Variants in TTI1 observed in about 807,000 individuals in gnomAD.
TTI1 encodes TELO2-interacting protein 1 homolog.
Under a neutral mutation model 85.4 loss-of-function variants are expected in TTI1, and 52 were observed. The observed-to-expected ratio is 0.61, with a 90% CI of 0.49 to 0.77. TTI1 has a LOEUF of 0.77. TTI1 is among the 30% of genes least tolerant of loss of function. The probability of loss-of-function intolerance (pLI) is 0.00; values close to 1 mark genes in which losing one functional copy is unlikely to be tolerated. For missense variants in TTI1, 1,173 were observed against 1,296.0 expected, an observed-to-expected ratio of 0.91 and a Z score of 1.46; for synonymous variants, 512 against 503.9, an observed-to-expected ratio of 1.02 and a Z score of -0.22.
In TTI1 at chr20:38,012,437, T is replaced by C. The variant is rs1415611185; in HGVS notation, c.1380A>G (p.Pro460=). The C allele has an allele frequency of 5.0e-6, 8 of 1,614,192 alleles. No homozygotes were observed. The highest frequency in any genetic ancestry group is 2.2e-5 in the South Asian group (2 of 91,088). The change falls in exon 2 of 8, where the codon CCA becomes CCG. Residue 460 remains proline (P), a synonymous_variant. Transcript: ENST00000373447. ...TCCAAGGCTGTGTGGCTGAGGTCTT[T>C]GGAGAAGCATTCAGATCATCAGAGT... The part of the protein sequence containing the change: ...RWNSDDLNAS[P]KTSATQPWNR...
chr20:38,000,989 C>T (rs536143079), intron 4 of TTI1, among the ~76,000 whole-genome samples: 67 of 152,282 alleles, frequency 4.4e-4, no homozygotes, highest in African/African-American at 1.5e-3. Flanking sequence ...GTACCCAACA[C>T]GTATCTGCCG....
At chr20:37,987,592 G>A (rs1378409603) in intron 7 of TTI1, among the ~76,000 whole-genome samples, 1 of 152,186 alleles carries the variant, frequency 6.6e-6, no homozygotes. Flanking sequence ...GCACTCAGCT[G>A]TGCCACATGC....
At chr20:38,030,528 AACACACACACACAC>A (rs3038751) in intron 1 of TTI1, among the ~76,000 whole-genome samples, 1 of 144,840 alleles carries the variant, frequency 6.9e-6, no homozygotes, top group Non-Finnish European at 1.5e-5. Context: ...CAGTATGTAA[AACACACACACACAC>A]ACACACACAC....
intron 1 of TTI1, among the ~76,000 whole-genome samples, chr20:38,027,697 G>A (rs1224066299): frequency 6.6e-6 from 1 of 152,172 alleles, no homozygotes; most frequent in African/African-American, 2.4e-5. Context: ...GGCTGAGGTG[G>A]GTGGATCACC....
At chr20:37,988,131 A>G (rs1422361378) in intron 7 of TTI1, among the ~76,000 whole-genome samples, 1 of 152,242 alleles carries the variant, frequency 6.6e-6, no homozygotes, top group Non-Finnish European at 1.5e-5. Context: ...CTGCTGGGGT[A>G]GACTAAGGGA....
At chr20:38,032,925 A>T (rs990121703) in intron 1 of TTI1, among the ~76,000 whole-genome samples, 1 of 152,200 alleles carries the variant, frequency 6.6e-6, no homozygotes, top group African/African-American at 2.4e-5. Flanking sequence ...CCCTAAAGTT[A>T]ACACCTCACT....
At chr20:38,020,854 G>A (rs1240475122) in intron 1 of TTI1, among the ~76,000 whole-genome samples, 1 of 152,148 alleles carries the variant, frequency 6.6e-6, no homozygotes, top group Non-Finnish European at 1.5e-5. Context: ...ACTAGGTGCT[G>A]GCAAGGATAC....
At chr20:37,998,851 G>A (rs1001758901) in intron 5 of TTI1, among the ~76,000 whole-genome samples, 4 of 152,174 alleles carry the variant, frequency 2.6e-5, no homozygotes, top group Non-Finnish European at 5.9e-5. Context: ...CTAGCTGTTC[G>A]ATTGTGAGAA....
intron 2 of TTI1, among the ~76,000 whole-genome samples, chr20:38,010,467 CTTTTT>C (rs764386880): frequency 4.8e-5 from 5 of 104,432 alleles, no homozygotes; most frequent in African/African-American, 7.7e-5. Flanking sequence ...TTTGCCATTC[CTTTTT>C]TTTTTTTTTT....
intron 1 of TTI1, among the ~76,000 whole-genome samples, chr20:38,017,075 C>T (rs2073693030): frequency 6.6e-6 from 1 of 152,148 alleles, no homozygotes; most frequent in Non-Finnish European, 1.5e-5. Context: ...CTGTACACAC[C>T]TCTATGACAG....
At chr20:37,994,780 C>T (rs1028825318) in intron 7 of TTI1, among the ~76,000 whole-genome samples, 4 of 152,140 alleles carry the variant, frequency 2.6e-5, no homozygotes, top group African/African-American at 4.8e-5. Context: ...GGTGGGGCTG[C>T]GTGTTCCTCC....
intron 1 of TTI1, among the ~76,000 whole-genome samples, chr20:38,025,274 A>G (rs1320897699): frequency 1.3e-5 from 2 of 152,218 alleles, no homozygotes; most frequent in African/African-American, 4.8e-5. Context: ...AGACTGAATG[A>G]AAAAAGACAA....
chr20:38,031,383 A>T (rs1335404730), intron 1 of TTI1, among the ~76,000 whole-genome samples: 1 of 152,210 alleles, frequency 6.6e-6, no homozygotes, highest in Admixed American at 6.5e-5. Flanking sequence ...CTGTTGCTCC[A>T]AAATGCCAAC....
At position 37,999,346 on chromosome 20, in the gene TTI1, T is replaced by C. The variant is rs1211394090; in HGVS notation, c.2653-18A>G. ...TCCAAGACCTGAAAGAGACACGATT[T>C]CAGCAGATGGTATAGGCTTGAAAAC... is the stretch of plus-strand genomic sequence containing the variant. On this transcript the variant is annotated intron_variant, in intron 4 of 7. Transcript: ENST00000373447. 5.1e-6 allele frequency: 7 copies of C among 1,385,104 alleles called. No homozygotes were observed. The highest frequency in any genetic ancestry group is 6.6e-6 in the Non-Finnish European group (7 of 1,058,792). 85.8% of individuals were successfully genotyped at this position (1,385,104 alleles called of 1,614,324 possible). A position where few individuals can be genotyped will look rare whatever the true frequency, so the allele number is the denominator to read the frequency against.
intron 1 of TTI1, among the ~76,000 whole-genome samples, chr20:38,016,757 G>A (rs945896013): frequency 2.0e-5 from 3 of 152,028 alleles, no homozygotes; most frequent in African/African-American, 4.8e-5. Flanking sequence ...TGCCCTCCTC[G>A]AATTCACATT....
intron 1 of TTI1, among the ~76,000 whole-genome samples, 182 bp downstream of exon 1, chr20:38,033,222 G>T (rs953078335): frequency 6.6e-6 from 1 of 152,150 alleles, no homozygotes; most frequent in Non-Finnish European, 1.5e-5. Flanking sequence ...AGTGTTTTGG[G>T]GGACAGCCAG....
At chr20:37,994,028 T>A (rs1451627912) in intron 7 of TTI1, among the ~76,000 whole-genome samples, 5 of 152,116 alleles carry the variant, frequency 3.3e-5, no homozygotes, top group African/African-American at 7.2e-5. Context: ...TTACTTTTGG[T>A]CATGGATGTA....
chr20:37,992,375 C>G (rs911003451), intron 7 of TTI1, among the ~76,000 whole-genome samples: 3 of 152,048 alleles, frequency 2.0e-5, no homozygotes, highest in African/African-American at 4.8e-5. Flanking sequence ...TTCCAAGGCT[C>G]AGGTGATCCT....
intron 5 of TTI1, among the ~76,000 whole-genome samples, chr20:37,998,022 C>T (rs1040436838): frequency 2.6e-5 from 4 of 152,126 alleles, no homozygotes; most frequent in Non-Finnish European, 4.4e-5. Context: ...CTCTGAAGCC[C>T]GAGTTCAAGC....
Sources: gnomAD v4.1 joint callset for allele counts (sites outside exome capture counted in the v4.1 genomes callset) on GRCh38, gnomAD v4.1.1 for gene constraint, MANE v1.5 for transcripts, NCBI Gene and HGNC (gene_info 2026-07-23, HGNC 2026-07-21) for gene names.